The following HAUS2 variants were observed in gnomAD, a reference collection of about 807,000 sequenced individuals.
HAUS2 encodes HAUS augmin like complex subunit 2, also known as HAUS augmin-like complex subunit 2.
HAUS2 carries 20 observed loss-of-function variants against 21.6 expected under a neutral mutation model. The observed-to-expected ratio is 0.93, with a 90% CI of 0.65 to 1.35. The LOEUF (loss-of-function observed/expected upper bound fraction) is 1.35, where lower values mean the gene tolerates loss of function less well. Ranked by LOEUF, HAUS2 falls within the 40% of genes most tolerant of loss-of-function variation. The pLI, the probability that HAUS2 is intolerant of heterozygous loss-of-function variation, is 0.00. For missense variants in HAUS2, 297 were observed against 280.7 expected (o/e 1.06, Z -0.42); for synonymous variants, 113 against 95.6 (o/e 1.18, Z -1.06).
intron 1 of HAUS2, among the ~76,000 whole-genome samples, chr15:42,550,011 C>T (rs1404027293): frequency 6.6e-6 from 1 of 151,706 alleles, no homozygotes; most frequent in African/African-American, 2.4e-5. Context: ...GGATCAAGGG[C>T]ATTGAGAAAA....
At chr15:42,557,100 G>A (rs1238657831) in intron 1 of HAUS2, among the ~76,000 whole-genome samples, 2 of 150,022 alleles carry the variant, frequency 1.3e-5, no homozygotes, top group African/African-American at 2.5e-5. Context: ...AGATCATGAG[G>A]TCAGGAGATC....
rs548105686 is a variant in HAUS2 at position 42,568,077 on chromosome 15, T to C, written c.*1261T>C. ...GTCTTCTTGAATCTGAAAATGTCTA[T>C]GATGATTATTCCTGTGGGAATGTCA... On this transcript the variant is annotated 3_prime_UTR_variant, in exon 6 of 6. Coordinates refer to ENST00000260372, the MANE Select transcript of HAUS2 (RefSeq NM_018097.3). 6.6e-6 allele frequency: 1 copy of C among 151,930 alleles called. No homozygotes were observed. The highest frequency in any genetic ancestry group is 2.4e-5 in the African/African-American group (1 of 41,428). 9.4% of individuals were successfully genotyped at this position (151,930 alleles called of 1,614,324 possible).
chr15:42,563,398 A>G (rs147842823), intron 4 of HAUS2, among the ~76,000 whole-genome samples: 6 of 149,594 alleles, frequency 4.0e-5, no homozygotes, highest in African/African-American at 1.5e-4. Context: ...GTGACATAGC[A>G]AGACTCCATC....
intron 1 of HAUS2, among the ~76,000 whole-genome samples, chr15:42,552,271 G>A (rs560213913): frequency 6.6e-6 from 1 of 151,984 alleles, no homozygotes; most frequent in African/African-American, 2.4e-5. Context: ...TGATCCACCC[G>A]CCTCGGCCTC....
At chr15:42,564,263 C>A (rs188538455) in intron 5 of HAUS2, among the ~76,000 whole-genome samples, 1 of 145,192 alleles carries the variant, frequency 6.9e-6, no homozygotes, top group African/African-American at 2.6e-5. Context: ...GACTCCATCT[C>A]CCATTAAAAA....
At chr15:42,560,971 C>T in intron 3 of HAUS2, 1 of 609,370 alleles carries the variant, frequency 1.6e-6, no homozygotes, top group Non-Finnish European at 2.9e-6. Context: ...AAGAATATAG[C>T]TCTGGCTATA....
intron 1 of HAUS2, among the ~76,000 whole-genome samples, chr15:42,557,038 C>CT (rs1391372876): frequency 3.3e-5 from 5 of 149,842 alleles, no homozygotes; most frequent in African/African-American, 1.2e-4. Context: ...GAGCGAAACT[C>CT]AGTCGGTGGC....
Position 42,567,593 on chromosome 15 carries a change from CTT to C in HAUS2, c.*779_*780del, listed in dbSNP as rs1221029829. ...GTGGCTCACACCTGTAATCCCAACA[CTT>C]TGGGAGGCCGACCCAGATGGGTGGA... On this transcript the variant is annotated 3_prime_UTR_variant, in exon 6 of 6. Coordinates refer to ENST00000260372, the MANE Select transcript of HAUS2 (RefSeq NM_018097.3). The C allele has an allele frequency of 5.3e-5, 8 of 152,354 alleles. No individual in the cohort carries two copies. Among genetic ancestry groups the C allele is most frequent in the Non-Finnish European group, 8.8e-5 (6 of 68,106 alleles). The allele number at this position is 152,354 out of a possible 1,614,324, so 9.4% of individuals were successfully genotyped here.
At position 42,561,326 on chromosome 15, in the gene HAUS2, G is replaced by A. The variant is rs893068201; in HGVS notation, c.313G>A (p.Glu105Lys). Residue 105 changes from glutamate to lysine, a missense_variant, in exon 4 of 6, where the codon GAG (glutamate) becomes AAG (lysine). Transcript: ENST00000260372. ...MNNHLEAVLK[E>K]KRSLRQRLLK... ...TAATCATTTGGAAGCAGTGCTGAAA[G>A]AGAAGAGATCCCTTAGGCAAAGACT... is the stretch of plus-strand genomic sequence containing the variant. 2 of 1,572,478 alleles carry A rather than the reference G, an allele frequency of 1.3e-6. No homozygotes were observed. Among genetic ancestry groups the A allele is most frequent in the African/African-American group, 1.4e-5 (1 of 74,068 alleles).
chr15:42,554,286 C>CT (rs894187928), intron 1 of HAUS2, among the ~76,000 whole-genome samples: 88 of 147,606 alleles, frequency 6.0e-4, no homozygotes, highest in Middle Eastern at 6.9e-3. Context: ...GGTTTTCCTT[C>CT]TTTTTTTTTT....
Position 42,563,789 on chromosome 15 carries a change from G to T in HAUS2, c.430G>T (p.Glu144Ter), listed in dbSNP as rs757571551. The part of the protein sequence containing the change: ...HLLELAVTFI[E>*]RLETHLETIR... The stretch of plus-strand genomic sequence containing the variant: ...GCTGGAGTTGGCTGTGACTTTCATT[G>T]AGAGATTAGAAACCCACCTTGAAAC... Residue 144 changes from glutamate to a stop codon, truncating the protein, a stop_gained, in exon 5 of 6, where the codon GAG (glutamate) becomes TAG (stop). Coordinates refer to ENST00000260372, the MANE Select transcript of HAUS2 (RefSeq NM_018097.3). LOFTEE classifies it high-confidence loss of function. 3.2e-6 allele frequency: 5 copies of T among 1,582,838 alleles called. No homozygotes were observed. In the African/African-American group the frequency reaches 6.8e-5, roughly 21 times the overall value.
intron 5 of HAUS2, among the ~76,000 whole-genome samples, chr15:42,565,386 A>AGTGTGT (rs1413557687): frequency 1.3e-5 from 1 of 77,342 alleles, no homozygotes; most frequent in Non-Finnish European, 2.8e-5. Context: ...GGAGCCATTG[A>AGTGTGT]ATGTGTGTGT....
intron 4 of HAUS2, 151 bp downstream of exon 4, chr15:42,561,553 T>G: frequency 1.7e-6 from 1 of 580,394 alleles, no homozygotes; most frequent in South Asian, 2.4e-5. Flanking sequence ...AAAGAAAATC[T>G]TTGCTTTTAA....
At chr15:42,563,624 G>A (rs2057872632) in intron 4 of HAUS2, 125 bp from the exon 5 acceptor site, 1 of 656,718 alleles carries the variant, frequency 1.5e-6, no homozygotes, top group African/African-American at 1.8e-5. Context: ...CAGGAAGGTT[G>A]TTATTGGCTC....
At chr15:42,556,530 C>T (rs999270474) in intron 1 of HAUS2, among the ~76,000 whole-genome samples, 5 of 151,678 alleles carry the variant, frequency 3.3e-5, no homozygotes, top group African/African-American at 7.3e-5. Context: ...CTCCAAAGTT[C>T]GGGATTACGG....
chr15:42,564,880 G>T (rs149556000), intron 5 of HAUS2, among the ~76,000 whole-genome samples: 1,812 of 152,310 alleles, frequency 0.012, 11 homozygotes, highest in Non-Finnish European at 0.018. Flanking sequence ...TTGTTGCCCA[G>T]GCTGGAGTGC....
At chr15:42,560,609 T>C (rs940237212) in intron 3 of HAUS2, among the ~76,000 whole-genome samples, 2 of 151,534 alleles carry the variant, frequency 1.3e-5, no homozygotes, top group African/African-American at 2.4e-5. Context: ...CAGAAATAGC[T>C]TGTAGGATGA....
chr15:42,552,167 C>T (rs1424846873), intron 1 of HAUS2, among the ~76,000 whole-genome samples: 5 of 151,982 alleles, frequency 3.3e-5, no homozygotes, highest in South Asian at 2.1e-4. Flanking sequence ...AGATTACAGG[C>T]GCGCACCACC....
intron 3 of HAUS2, chr15:42,560,658 C>T: frequency 1.8e-6 from 1 of 561,478 alleles, no homozygotes; most frequent in South Asian, 2.1e-5. Context: ...ACTCTGTAAC[C>T]CAGGCTGAAG....
Sources: allele counts gnomAD v4.1 joint callset (sites outside exome capture counted in the v4.1 genomes callset), GRCh38; gene constraint gnomAD v4.1.1; transcripts MANE v1.5; gene names NCBI Gene and HGNC (gene_info 2026-07-23, HGNC 2026-07-21).